Variants in PDE11A observed in about 807,000 individuals in gnomAD.
PDE11A encodes the protein phosphodiesterase 11A.
In PDE11A, 100 loss-of-function variants were observed where a neutral mutation model predicts 100.5. The ratio of observed to expected loss-of-function variants is 1.00; its 90% CI spans 0.85 to 1.18. The LOEUF (loss-of-function observed/expected upper bound fraction) is 1.18, where lower values mean the gene tolerates loss of function less well. PDE11A is among the 50% of genes most tolerant of loss of function. PDE11A has a pLI of 0.00. For synonymous variants in PDE11A, 381 were observed against 420.8 expected, an observed-to-expected ratio of 0.91 and a Z score of 1.16; for missense variants, 1,141 against 1,152.6, an observed-to-expected ratio of 0.99 and a Z score of 0.15.
intron 9 of PDE11A, among the ~76,000 whole-genome samples, chr2:177,782,245 T>C (rs2082464485): frequency 6.6e-6 from 1 of 152,218 alleles, no homozygotes; most frequent in Non-Finnish European, 1.5e-5. Context: ...AATTATTATC[T>C]GGTGAATTAA....
chr2:177,853,135 G>GT (rs80156197), intron 5 of PDE11A, among the ~76,000 whole-genome samples: 152,051 of 152,076 alleles, frequency 1, 76,013 homozygotes, highest in Middle Eastern at 1. Flanking sequence ...AATCTGGGTG[G>GT]TTTTTTTGTT....
At chr2:177,894,093 A>T (rs1014090883) in intron 4 of PDE11A, among the ~76,000 whole-genome samples, 27 of 152,300 alleles carry the variant, frequency 1.8e-4, no homozygotes, top group African/African-American at 6.5e-4. Flanking sequence ...TTTCCTGTTT[A>T]TCCTGGCTTC....
chr2:177,801,177 G>T (rs188026179), intron 9 of PDE11A, among the ~76,000 whole-genome samples: 4 of 152,156 alleles, frequency 2.6e-5, no homozygotes, highest in Admixed American at 2.6e-4. Context: ...ACTTGCTCAG[G>T]GTGGTCTCTC....
chr2:177,705,091 C>T (rs1030460997), intron 13 of PDE11A, among the ~76,000 whole-genome samples: 5 of 152,140 alleles, frequency 3.3e-5, no homozygotes, highest in South Asian at 2.1e-4. Flanking sequence ...CTGCCCGCCT[C>T]GGCCTCCCAA....
At chr2:178,024,448 T>C (rs2086454254) in intron 1 of PDE11A, among the ~76,000 whole-genome samples, 1 of 152,154 alleles carries the variant, frequency 6.6e-6, no homozygotes, top group South Asian at 2.1e-4. Flanking sequence ...CCAAGGCCTC[T>C]GGGGTCTGAA....
chr2:177,910,304 G>T (rs768131248), intron 2 of PDE11A, among the ~76,000 whole-genome samples: 3 of 152,032 alleles, frequency 2.0e-5, no homozygotes, highest in Admixed American at 1.3e-4. Flanking sequence ...ATACATTTTT[G>T]AAAAGAGGCA....
chr2:178,042,458 A>T (rs2105849975), intron 1 of PDE11A, among the ~76,000 whole-genome samples: 1 of 140,004 alleles, frequency 7.1e-6, no homozygotes, highest in East Asian at 2.1e-4. Flanking sequence ...AGCCTTGGTG[A>T]CAGAGCAAGA....
intron 5 of PDE11A, among the ~76,000 whole-genome samples, chr2:177,865,410 C>A (rs147927130): frequency 6.6e-6 from 1 of 152,068 alleles, no homozygotes. Context: ...TTTGCTGGTG[C>A]GAATGTAAAA....
At position 177,910,410 on chromosome 2, in the gene PDE11A, CTG is replaced by C. The variant is rs1237256962; in HGVS notation, c.1072-5225_1072-5224del. 1.6e-3 allele frequency among the ~76,000 whole-genome samples: 163 copies of C among 102,154 alleles called. 1 individual carries two copies. Among genetic ancestry groups the C allele is most frequent in the African/African-American group, 5.4e-3 (150 of 27,800 alleles). The allele number at this position is 102,154 out of a possible 152,430, so 67.0% of individuals were successfully genotyped here. A position where few individuals can be genotyped will look rare whatever the true frequency, so the allele number is the denominator to read the frequency against. On this transcript the variant is annotated intron_variant, in intron 2 of 19. Coordinates refer to ENST00000286063, the MANE Select transcript of PDE11A (RefSeq NM_016953.4). The stretch of plus-strand genomic sequence containing the variant: ...CAGTGTTACAGATGTCTCTCTCTCT[CTG>C]TCTCTCTCTCTCTCTCTATATATAT...
intron 2 of PDE11A, among the ~76,000 whole-genome samples, chr2:177,946,711 A>G (rs1574299978): frequency 1.1e-5 from 1 of 90,350 alleles, no homozygotes; most frequent in Non-Finnish European, 2.3e-5. Flanking sequence ...CCGCCCGGCC[A>G]GCCGCCCCGT....
intron 2 of PDE11A, among the ~76,000 whole-genome samples, chr2:177,956,239 A>T (rs1412247281): frequency 6.6e-6 from 1 of 152,248 alleles, no homozygotes; most frequent in Admixed American, 6.5e-5. Flanking sequence ...CCCATCAAAA[A>T]GTGGGCGAAG....
intron 9 of PDE11A, among the ~76,000 whole-genome samples, chr2:177,782,370 A>C (rs1468356012): frequency 1.3e-5 from 2 of 152,184 alleles, no homozygotes; most frequent in African/African-American, 4.8e-5. Context: ...AGTGGTTAAA[A>C]AGCAATAAAT....
chr2:177,872,742 A>C (rs1338855339), intron 5 of PDE11A, among the ~76,000 whole-genome samples: 1 of 152,200 alleles, frequency 6.6e-6, no homozygotes, highest in Non-Finnish European at 1.5e-5. Context: ...TAAAGGAAAG[A>C]TCAGACTGTG....
At chr2:177,929,791 C>T (rs2085181803) in intron 2 of PDE11A, among the ~76,000 whole-genome samples, 1 of 152,158 alleles carries the variant, frequency 6.6e-6, no homozygotes, top group Non-Finnish European at 1.5e-5. Flanking sequence ...AAATCATAGC[C>T]CACCATGTTG....
At chr2:178,031,466 T>C (rs867356188) in intron 1 of PDE11A, among the ~76,000 whole-genome samples, 2 of 151,722 alleles carry the variant, frequency 1.3e-5, no homozygotes, top group Non-Finnish European at 2.9e-5. Context: ...ATAAGAGTTG[T>C]TGGATTCCAA....
At chr2:177,712,718 A>G (rs1046943459) in intron 12 of PDE11A, among the ~76,000 whole-genome samples, 1 of 152,122 alleles carries the variant, frequency 6.6e-6, no homozygotes, top group Admixed American at 6.5e-5. Context: ...GAGGAAGTGG[A>G]CCTCTGGGAA....
At chr2:177,675,850 G>T in intron 16 of PDE11A, 9 of 408,576 alleles carry the variant, frequency 2.2e-5, no homozygotes, top group South Asian at 1.6e-4. Context: ...ATGTTGTTGG[G>T]TTTTTTTAAA....
intron 15 of PDE11A, among the ~76,000 whole-genome samples, chr2:177,681,256 C>A (rs900645738): frequency 4.6e-5 from 7 of 152,160 alleles, no homozygotes; most frequent in Admixed American, 3.9e-4. Context: ...AAAGTGGGGA[C>A]AATTCTAGAA....
rs567562902 is a variant in PDE11A at position 177,904,621 on chromosome 2, C to T, written c.1161+477G>A. Among the ~76,000 whole-genome samples the T allele has an allele frequency of 2.7e-5, 4 of 147,582 alleles. No individual in the cohort carries two copies. The East Asian group carries it at 8.0e-4, about 30-fold the overall frequency. ...CTAGGCTGGAGTGCAGTGGTGCGAT[C>T]TCCACTCACTGTGACCTCCGCCTCC... On this transcript the variant is annotated intron_variant, in intron 3 of 19. Transcript: ENST00000286063.
Sources: gnomAD v4.1 joint callset for allele counts (sites outside exome capture counted in the v4.1 genomes callset) on GRCh38, gnomAD v4.1.1 for gene constraint, MANE v1.5 for transcripts, NCBI Gene and HGNC (gene_info 2026-07-23, HGNC 2026-07-21) for gene names.